The following NKAIN2 variants were observed in gnomAD, a reference collection of about 807,000 sequenced individuals.
NKAIN2 encodes the protein sodium/potassium-transporting ATPase subunit beta-1-interacting protein 2.
A neutral mutation model predicts 32.6 loss-of-function variants in NKAIN2; 14 were observed. The observed-to-expected ratio is 0.43, with a 90% confidence interval of 0.28 to 0.67. The LOEUF is 0.67. Ranked by LOEUF, NKAIN2 falls within the 30% of genes least tolerant of loss-of-function variation. NKAIN2 has a pLI of 0.17. For synonymous variants in NKAIN2, 80 were observed against 87.2 expected (o/e 0.92, Z 0.46); for missense variants, 198 against 258.3 (o/e 0.77, Z 1.60).
At position 124,823,281 on chromosome 6, in the gene NKAIN2, G is replaced by T. The variant is rs779807204; in HGVS notation, c.*52G>T. ...ATGGACCTTTCAAAGAACTTTTTTC[G>T]CAGTGGCCTCCTGCATTTCATGAAG... On this transcript the variant is annotated 3_prime_UTR_variant, in exon 7 of 7. Coordinates refer to ENST00000368417, the MANE Select transcript of NKAIN2 (RefSeq NM_001040214.3). 1.5e-6 allele frequency: 2 copies of T among 1,299,814 alleles called. No homozygotes were observed. Among genetic ancestry groups the T allele is most frequent in the Non-Finnish European group, 2.2e-6 (2 of 892,352 alleles). 80.5% of individuals were successfully genotyped at this position (1,299,814 alleles called of 1,614,324 possible).
chr6:124,520,045 A>T (rs643822), intron 3 of NKAIN2, among the ~76,000 whole-genome samples: 108,850 of 151,976 alleles, frequency 0.72, 44,016 homozygotes, highest in Non-Finnish European at 0.9. Flanking sequence ...ACAAGTAAGT[A>T]TCAAGGCACA....
chr6:124,193,897 T>A (rs1036010031), intron 1 of NKAIN2, among the ~76,000 whole-genome samples: 1 of 151,986 alleles, frequency 6.6e-6, no homozygotes, highest in Non-Finnish European at 1.5e-5. Flanking sequence ...AGTGTTCAGC[T>A]CCTAGCAGAG....
In NKAIN2 at chr6:124,706,388, G is replaced by T. The variant is rs138413802; in HGVS notation, c.474+48002G>T. Among the ~76,000 whole-genome samples, 31 of 152,052 alleles carry T rather than the reference G, an allele frequency of 2.0e-4. No individual in the cohort carries two copies. In the East Asian group the frequency reaches 5.4e-3, roughly 27 times the overall value. On this transcript the variant is annotated intron_variant, in intron 4 of 6. Coordinates refer to ENST00000368417, the MANE Select transcript of NKAIN2 (RefSeq NM_001040214.3). ...AAATCCAAGCCTATCTGATTAAAGG[G>T]CTCTTCATTGCTGTTATTATATATT...
intron 4 of NKAIN2, among the ~76,000 whole-genome samples, chr6:124,756,004 T>C (rs1259803173): frequency 6.6e-6 from 1 of 151,498 alleles, no homozygotes; most frequent in Non-Finnish European, 1.5e-5. Flanking sequence ...ACCCAATGTC[T>C]GGCACAGACA....
intron 3 of NKAIN2, among the ~76,000 whole-genome samples, chr6:124,386,154 G>C (rs149174526): frequency 6.6e-6 from 1 of 152,100 alleles, no homozygotes; most frequent in Admixed American, 6.6e-5. Flanking sequence ...ATGATTTCCC[G>C]TTGGAAATCT....
chr6:124,078,972 A>C (rs150134497), intron 1 of NKAIN2, among the ~76,000 whole-genome samples: 124 of 152,022 alleles, frequency 8.2e-4, no homozygotes, highest in African/African-American at 2.9e-3. Context: ...TCCTCTTACT[A>C]TTTGTTCTTA....
intron 4 of NKAIN2, among the ~76,000 whole-genome samples, chr6:124,727,689 T>A (rs1776403786): frequency 6.7e-6 from 1 of 148,814 alleles, no homozygotes; most frequent in Admixed American, 6.8e-5. Flanking sequence ...AATGACAGGA[T>A]CAAATTCACA....
At chr6:124,518,312 GA>G (rs2114790217) in intron 3 of NKAIN2, among the ~76,000 whole-genome samples, 1 of 147,828 alleles carries the variant, frequency 6.8e-6, no homozygotes, top group East Asian at 2.0e-4. Context: ...AAAAAAGATA[GA>G]AAAGGAAAGC....
At chr6:123,887,183 A>T (rs1283610527) in intron 1 of NKAIN2, among the ~76,000 whole-genome samples, 1 of 128,166 alleles carries the variant, frequency 7.8e-6, no homozygotes, top group Non-Finnish European at 1.7e-5. Context: ...CCTAGTGGGC[A>T]CTTAGAAGAA....
In NKAIN2 at chr6:123,980,326, A is replaced by C. The variant is rs532819815; in HGVS notation, c.54+176072A>C. The stretch of plus-strand genomic sequence containing the variant: ...AGATATGGAAGGGACATTCTGTAAA[A>C]GTGACAAGTTATTTTAATCAAAAAG... On this transcript the variant is annotated intron_variant, in intron 1 of 6. Transcript: ENST00000368417. Among the ~76,000 whole-genome samples, 4 of 152,324 alleles carry C rather than the reference A, an allele frequency of 2.6e-5. No individual in the cohort carries two copies. In the East Asian group the frequency reaches 7.7e-4, roughly 29 times the overall value.
intron 5 of NKAIN2, among the ~76,000 whole-genome samples, chr6:124,807,039 G>A (rs1780602000): frequency 6.6e-6 from 1 of 151,998 alleles, no homozygotes; most frequent in South Asian, 2.1e-4. Flanking sequence ...CATTAATAAT[G>A]GGAGACTTTA....
chr6:124,438,286 C>T (rs1243544416), intron 3 of NKAIN2, among the ~76,000 whole-genome samples: 1 of 152,054 alleles, frequency 6.6e-6, no homozygotes, highest in Non-Finnish European at 1.5e-5. Flanking sequence ...AAACACTTCA[C>T]CTTATAAACA....
chr6:124,088,227 G>A (rs1219293237), intron 1 of NKAIN2, among the ~76,000 whole-genome samples: 4 of 151,760 alleles, frequency 2.6e-5, no homozygotes, highest in Non-Finnish European at 2.9e-5. Flanking sequence ...AGACCAGCCT[G>A]GGTAACACAG....
At chr6:124,479,531 A>G (rs951946038) in intron 3 of NKAIN2, among the ~76,000 whole-genome samples, 2 of 152,196 alleles carry the variant, frequency 1.3e-5, no homozygotes, top group Admixed American at 1.3e-4. Flanking sequence ...TGGGATGGGA[A>G]GGATTCTGTC....
chr6:124,764,528 G>A (rs1052050364), intron 4 of NKAIN2, among the ~76,000 whole-genome samples: 12 of 152,120 alleles, frequency 7.9e-5, no homozygotes, highest in Non-Finnish European at 2.9e-5. Context: ...AGGCAGAAGA[G>A]TCTATGGGAT....
chr6:124,690,659 A>AT (rs896721455), intron 4 of NKAIN2, among the ~76,000 whole-genome samples: 6 of 151,926 alleles, frequency 3.9e-5, no homozygotes, highest in African/African-American at 9.7e-5. Flanking sequence ...TTTTCATGTC[A>AT]TTTTTTTGCC....
In NKAIN2 at chr6:124,200,792, A is replaced by G. The variant is rs563966192; in HGVS notation, c.55-82213A>G. Among the ~76,000 whole-genome samples, 15 of 152,130 alleles carry G rather than the reference A, an allele frequency of 9.9e-5. No individual in the cohort carries two copies. In the South Asian group the frequency reaches 3.1e-3, roughly 31 times the overall value. On this transcript the variant is annotated intron_variant, in intron 1 of 6. Transcript: ENST00000368417. ...AAAGTGAAGACCTGATTACTGCCAT[A>G]TGACTTGTGCAAATATTCCACTTTG... is the stretch of plus-strand genomic sequence containing the variant.
intron 3 of NKAIN2, among the ~76,000 whole-genome samples, chr6:124,450,623 C>T (rs1045705295): frequency 6.6e-6 from 1 of 151,640 alleles, no homozygotes. Flanking sequence ...AGAAAAGATA[C>T]TTCCATTTAA....
chr6:124,404,070 A>G (rs1275945944), intron 3 of NKAIN2, among the ~76,000 whole-genome samples: 2 of 152,176 alleles, frequency 1.3e-5, no homozygotes, highest in African/African-American at 4.8e-5. Context: ...ATTTTAATAT[A>G]TATGAGATAT....
Sources: allele counts gnomAD v4.1 joint callset (sites outside exome capture counted in the v4.1 genomes callset), GRCh38; gene constraint gnomAD v4.1.1; transcripts MANE v1.5; gene names NCBI Gene and HGNC (gene_info 2026-07-23, HGNC 2026-07-21).